Variants in PIK3C2A observed in about 807,000 individuals in gnomAD.
PIK3C2A encodes the protein phosphatidylinositol 4-phosphate 3-kinase C2 domain-containing subunit alpha.
A neutral mutation model predicts 204.5 loss-of-function variants in PIK3C2A; 97 were observed. That is an observed-to-expected ratio of 0.47 (90% CI 0.40 to 0.56). The LOEUF (loss-of-function observed/expected upper bound fraction) is 0.56. Ranked by LOEUF, PIK3C2A falls within the 20% of genes least tolerant of loss-of-function variation. The probability of loss-of-function intolerance (pLI) is 0.00; values close to 1 mark genes in which losing one functional copy is unlikely to be tolerated. For synonymous variants in PIK3C2A, 653 were observed against 664.4 expected (o/e 0.98, Z 0.26); for missense variants, 1,735 against 1,969.2 (o/e 0.88, Z 2.25).
intron 15 of PIK3C2A, among the ~76,000 whole-genome samples, chr11:17,121,401 G>A (rs898605859): frequency 1.3e-5 from 2 of 152,188 alleles, no homozygotes; most frequent in Admixed American, 6.6e-5. Context: ...ACAGGCATGA[G>A]CCACCACGCC....
intron 8 of PIK3C2A, among the ~76,000 whole-genome samples, chr11:17,144,403 A>G (rs1316176919): frequency 1.3e-5 from 2 of 152,184 alleles, no homozygotes; most frequent in Non-Finnish European, 2.9e-5. Flanking sequence ...AGTTCCTGAT[A>G]GGTGGGGACT....
At chr11:17,106,623 G>A (rs1455674104) in intron 22 of PIK3C2A, among the ~76,000 whole-genome samples, 3 of 152,040 alleles carry the variant, frequency 2.0e-5, no homozygotes, top group East Asian at 3.9e-4. Context: ...TTTATTTTTA[G>A]TTGAGACAGG....
intron 1 of PIK3C2A, among the ~76,000 whole-genome samples, chr11:17,181,813 C>T (rs192681383): frequency 4.6e-5 from 7 of 151,810 alleles, no homozygotes; most frequent in Admixed American, 1.3e-4. Context: ...TTAGAATAGC[C>T]GGGCACAGTG....
chr11:17,102,094 AAG>A (rs1848653514), intron 24 of PIK3C2A, among the ~76,000 whole-genome samples: 1 of 152,156 alleles, frequency 6.6e-6, no homozygotes, highest in African/African-American at 2.4e-5. Context: ...ATTTCTTTCT[AAG>A]AGTTATCGCT....
At chr11:17,093,291 G>A (rs1380736122) in intron 28 of PIK3C2A, among the ~76,000 whole-genome samples, 1 of 152,214 alleles carries the variant, frequency 6.6e-6, no homozygotes, top group Non-Finnish European at 1.5e-5. Flanking sequence ...TTTTGAGACG[G>A]AGTCTCGCTC....
rs567277871 is a variant in PIK3C2A, at chr11:17,136,609, A to G, written c.1721T>C (p.Val574Ala). 1.2e-4 allele frequency: 187 copies of G among 1,582,602 alleles called. No homozygotes were observed. In the South Asian group the frequency reaches 2.0e-3, roughly 17 times the overall value. Residue 574 changes from valine to alanine, a missense_variant, in exon 9 of 33, where the codon GTA becomes GCA. Val to Ala is a moderately conservative substitution (Grantham distance 64, BLOSUM62 0). This residue lies in a region of PIK3C2A where 106 missense variants were observed against 108.2 expected (regional missense o/e 0.98). Coordinates refer to ENST00000691414, the MANE Select transcript of PIK3C2A (RefSeq NM_002645.4). The stretch of plus-strand genomic sequence containing the variant: ...TCTTACAGCTTTAATTACTTGATCT[A>G]CTGCTCGGTGTTGGTTCTTTAAAAA... ...ALQIENQHRA[V>A]DQVIKAVRKI...
chr11:17,191,644 A>G (rs527440581), intron 1 of PIK3C2A, among the ~76,000 whole-genome samples: 1 of 152,290 alleles, frequency 6.6e-6, no homozygotes, highest in East Asian at 1.9e-4. Context: ...AATAGCTCTT[A>G]GCAGTGAGTT....
chr11:17,168,508 G>C (rs1156553009), intron 2 of PIK3C2A, among the ~76,000 whole-genome samples, 169 bp downstream of exon 2: 1 of 152,140 alleles, frequency 6.6e-6, no homozygotes, highest in Non-Finnish European at 1.5e-5. Context: ...GTGAACCTGG[G>C]AGGCGGAGCT....
At chr11:17,153,530 C>CA (rs1457025621) in intron 3 of PIK3C2A, among the ~76,000 whole-genome samples, 1 of 150,938 alleles carries the variant, frequency 6.6e-6, no homozygotes, top group African/African-American at 2.4e-5. Flanking sequence ...AGAAATAGGA[C>CA]AAAAAACTCA....
At chr11:17,127,700 A>G (rs773131985) in intron 13 of PIK3C2A, among the ~76,000 whole-genome samples, 14 of 152,300 alleles carry the variant, frequency 9.2e-5, no homozygotes, top group Admixed American at 3.9e-4. Flanking sequence ...TTGTCAACAG[A>G]TGATTACTGG....
rs7128367 is a variant in PIK3C2A, at chr11:17,175,469, T to A, written c.-65-5663A>T. On this transcript the variant is annotated intron_variant, in intron 1 of 32. Coordinates refer to ENST00000691414, the MANE Select transcript of PIK3C2A (RefSeq NM_002645.4). Reference sequence around the variant, plus strand: ...CTGCTGCATTGACATGCTCCATTAATTTTTTAAAATAAAACTTCATTTGAT... The same window carrying A: ...CTGCTGCATTGACATGCTCCATTAAATTTTTAAAATAAAACTTCATTTGAT... 6.1e-3 allele frequency among the ~76,000 whole-genome samples: 924 copies of A among 152,338 alleles called. 13 individuals are homozygous for A. The highest frequency in any genetic ancestry group is 0.021 in the African/African-American group (867 of 41,566).
intron 27 of PIK3C2A, among the ~76,000 whole-genome samples, chr11:17,095,873 C>A (rs887221799): frequency 8.6e-5 from 13 of 151,224 alleles, no homozygotes; most frequent in African/African-American, 2.7e-4. Context: ...GACGAGATTG[C>A]GCCACTGCAC....
intron 1 of PIK3C2A, among the ~76,000 whole-genome samples, chr11:17,192,436 C>A (rs1341036292): frequency 6.6e-6 from 1 of 152,072 alleles, no homozygotes; most frequent in Non-Finnish European, 1.5e-5. Flanking sequence ...TACAAATAAT[C>A]CCCACAAAAG....
At chr11:17,131,213 T>A (rs961364431) in intron 12 of PIK3C2A, among the ~76,000 whole-genome samples, 5 of 152,126 alleles carry the variant, frequency 3.3e-5, no homozygotes, top group African/African-American at 1.2e-4. Flanking sequence ...ATAACTTTTT[T>A]CGTTAAGTGT....
At chr11:17,126,586 C>T (rs1266058832) in intron 13 of PIK3C2A, among the ~76,000 whole-genome samples, 1 of 152,140 alleles carries the variant, frequency 6.6e-6, no homozygotes, top group Non-Finnish European at 1.5e-5. Flanking sequence ...ATATTATATA[C>T]TGTTTCTCTA....
chr11:17,186,536 G>T (rs1851756852), intron 1 of PIK3C2A, among the ~76,000 whole-genome samples: 1 of 152,080 alleles, frequency 6.6e-6, no homozygotes, highest in South Asian at 2.1e-4. Flanking sequence ...TAACCTAAGA[G>T]ATATAATAAA....
intron 8 of PIK3C2A, chr11:17,141,234 TTTGA>T (rs1303650458): frequency 6.6e-6 from 1 of 152,012 alleles, no homozygotes; most frequent in Non-Finnish European, 1.5e-5. Context: ...ACCTTCTGCC[TTTGA>T]TTTTCTCTTA....
chr11:17,196,677 C>G (rs1455519251), intron 1 of PIK3C2A, among the ~76,000 whole-genome samples: 1 of 152,126 alleles, frequency 6.6e-6, no homozygotes, highest in Non-Finnish European at 1.5e-5. Context: ...TCACGCCATT[C>G]TCCTGCCTCA....
intron 20 of PIK3C2A, 65 bp downstream of exon 20, chr11:17,114,296 G>A (rs1380832994): frequency 5.9e-6 from 5 of 842,352 alleles, no homozygotes; most frequent in South Asian, 1.4e-5. Flanking sequence ...AAGCATACCT[G>A]CCCATTTGCC....
Sources: gnomAD v4.1 joint callset for allele counts (sites outside exome capture counted in the v4.1 genomes callset) on GRCh38, gnomAD v4.1.1 for gene constraint, gnomAD v4.1.1 regional missense constraint, MANE v1.5 for transcripts, NCBI Gene and HGNC (gene_info 2026-07-23, HGNC 2026-07-21) for gene names.